Variants in REPS2 observed in about 807,000 individuals in gnomAD.
REPS2 encodes RALBP1 associated Eps domain containing 2, also known as ralBP1-associated Eps domain-containing protein 2.
REPS2 carries 23 observed loss-of-function variants against 53.6 expected under a neutral mutation model. The ratio of observed to expected loss-of-function variants is 0.43; its 90% CI spans 0.31 to 0.61. REPS2 has a LOEUF of 0.61. REPS2 is among the 20% of genes least tolerant of loss of function. The pLI is 0.11. For synonymous variants in REPS2, 238 were observed against 218.6 expected, an observed-to-expected ratio of 1.09 and a Z score of -0.78; for missense variants, 446 against 534.9, an observed-to-expected ratio of 0.83 and a Z score of 1.64.
chrX:17,108,353 A>G (rs1397864021), intron 14 of REPS2, among the ~76,000 whole-genome samples: 1 of 109,535 alleles, frequency 9.1e-6, no homozygotes, highest in Non-Finnish European at 1.9e-5. Context: ...CTGTATTTTT[A>G]GTAGAGATGG....
intron 16 of REPS2, chrX:17,135,653 C>T (rs1377503403): frequency 3.4e-6 from 1 of 298,142 alleles, no homozygotes; most frequent in East Asian, 5.2e-5. Flanking sequence ...GGTTTGATTT[C>T]TTTCCCTTCC....
chrX:17,195,868 ACT>A, the REPS2 span, among the ~76,000 whole-genome samples: 7 of 112,914 alleles, frequency 6.2e-5, no homozygotes, highest in Non-Finnish European at 1.1e-4. Flanking sequence ...AATAAAAATA[ACT>A]CAATATTTTA....
At chrX:17,114,186 C>T (rs1301799567) in intron 14 of REPS2, among the ~76,000 whole-genome samples, 2 of 111,627 alleles carry the variant, frequency 1.8e-5, no homozygotes, top group East Asian at 5.6e-4. Context: ...GGTCGGATTT[C>T]GAATTACTTT....
At chrX:17,006,430 G>A in intron 2 of REPS2, 86 bp downstream of exon 2, 1 of 914,799 alleles carries the variant, frequency 1.1e-6, no homozygotes, top group Non-Finnish European at 1.5e-6. Flanking sequence ...AAACTTTTGT[G>A]GAATTTCTCC....
chrX:17,167,210 A>G, the REPS2 span, among the ~76,000 whole-genome samples: 8 of 112,252 alleles, frequency 7.1e-5, no homozygotes, highest in Admixed American at 7.5e-4. Flanking sequence ...AGAAGGAACT[A>G]TGCCACAATG....
chrX:16,970,118 A>T (rs1431190047), intron 1 of REPS2, among the ~76,000 whole-genome samples: 1 of 110,971 alleles, frequency 9.0e-6, no homozygotes, highest in Non-Finnish European at 1.9e-5. Flanking sequence ...TAATGCACTC[A>T]CCATAATCAA....
the REPS2 span, among the ~76,000 whole-genome samples, chrX:17,170,657 A>C: frequency 8.9e-6 from 1 of 112,281 alleles, no homozygotes; most frequent in Non-Finnish European, 1.9e-5. Context: ...TTGGTTGCTT[A>C]GTTTTTCTTT....
chrX:17,169,825 T>C, the REPS2 span, among the ~76,000 whole-genome samples: 1 of 112,487 alleles, frequency 8.9e-6, no homozygotes, highest in East Asian at 2.8e-4. Flanking sequence ...TCTTTACACA[T>C]GACTAGTTCT....
At chrX:16,990,790 A>G (rs948087964) in intron 1 of REPS2, among the ~76,000 whole-genome samples, 2 of 110,733 alleles carry the variant, frequency 1.8e-5, no homozygotes, top group Admixed American at 1.9e-4. Context: ...CAAAGGGTAC[A>G]TAGGATCTCT....
chrX:16,953,096 AACAAACACACACACAC>A (rs1355602902), intron 1 of REPS2, among the ~76,000 whole-genome samples: 18 of 89,839 alleles, frequency 2.0e-4, no homozygotes, highest in Non-Finnish European at 3.5e-4. Context: ...CAAACCAAAA[AACAAACACACACACAC>A]ACACACACAC....
At chrX:16,994,954 T>G (rs1337609954) in intron 1 of REPS2, among the ~76,000 whole-genome samples, 1 of 112,055 alleles carries the variant, frequency 8.9e-6, no homozygotes, top group Non-Finnish European at 1.9e-5. Flanking sequence ...GGTGGAAAAT[T>G]TCATAAACAC....
chrX:17,195,896 A>G, the REPS2 span, among the ~76,000 whole-genome samples: 1 of 112,680 alleles, frequency 8.9e-6, no homozygotes, highest in South Asian at 3.6e-4. Context: ...TGGCAAACCA[A>G]TTTTCATTTT....
intron 8 of REPS2, 44 bp downstream of exon 8, chrX:17,054,994 C>G: frequency 8.7e-7 from 1 of 1,154,815 alleles, no homozygotes; most frequent in Non-Finnish European, 1.2e-6. Context: ...ACTTTTCCTC[C>G]AGGCTGTGTA....
chrX:16,968,959 A>G (rs2060832603), intron 1 of REPS2, among the ~76,000 whole-genome samples: 1 of 108,152 alleles, frequency 9.2e-6, no homozygotes, highest in African/African-American at 3.4e-5. Context: ...GGGGCCCCTC[A>G]CTTCTCAGAC....
chrX:17,020,291 T>C (rs995507433), intron 2 of REPS2, among the ~76,000 whole-genome samples: 5 of 112,510 alleles, frequency 4.4e-5, no homozygotes, highest in African/African-American at 1.6e-4. Context: ...TGAGCATTTA[T>C]TTCTTTTCTC....
intron 14 of REPS2, among the ~76,000 whole-genome samples, chrX:17,108,394 G>A (rs750581680): frequency 2.7e-5 from 3 of 109,903 alleles, no homozygotes; most frequent in East Asian, 2.9e-4. Context: ...GGCTGGTCTC[G>A]AACTCCTGAC....
intron 14 of REPS2, among the ~76,000 whole-genome samples, chrX:17,119,932 A>G (rs933935749): frequency 5.4e-5 from 5 of 92,016 alleles, no homozygotes; most frequent in Non-Finnish European, 8.2e-5. Flanking sequence ...GCTAGAGTGC[A>G]GTGGCGCGAT....
At chrX:17,019,214 T>C (rs1171836073) in intron 2 of REPS2, among the ~76,000 whole-genome samples, 1 of 112,274 alleles carries the variant, frequency 8.9e-6, no homozygotes, top group Non-Finnish European at 1.9e-5. Flanking sequence ...TAATTTTCTT[T>C]GTGGAAGGGA....
intron 3 of REPS2, among the ~76,000 whole-genome samples, chrX:17,023,253 C>T (rs1419751761): frequency 3.6e-5 from 4 of 111,616 alleles, no homozygotes; most frequent in Non-Finnish European, 7.5e-5. Context: ...CATGGCAAAA[C>T]CCTGTCTCTA....
Sources: allele counts gnomAD v4.1 joint callset (sites outside exome capture counted in the v4.1 genomes callset), GRCh38; gene constraint gnomAD v4.1.1; transcripts MANE v1.5; gene names NCBI Gene and HGNC (gene_info 2026-07-23, HGNC 2026-07-21).